Variants in MYZAP observed in about 807,000 individuals in gnomAD.
The protein encoded by MYZAP is GRINL1A complex locus upstream.
In MYZAP, 66 loss-of-function variants were observed where a neutral mutation model predicts 69.4. The ratio of observed to expected loss-of-function variants is 0.95; its 90% CI spans 0.78 to 1.17. The LOEUF (loss-of-function observed/expected upper bound fraction) is 1.17, where lower values mean the gene tolerates loss of function less well. Ranked by LOEUF, MYZAP falls within the 50% of genes most tolerant of loss-of-function variation. MYZAP has a pLI of 0.00. For synonymous variants in MYZAP, 256 were observed against 205.9 expected, an observed-to-expected ratio of 1.24 and a Z score of -2.09; for missense variants, 611 against 556.2, an observed-to-expected ratio of 1.10 and a Z score of -0.99.
rs138772571 is a variant in MYZAP at position 57,633,661 on chromosome 15, A to G, written c.853A>G (p.Met285Val). The part of the protein sequence containing the change: ...LKAIEEANKK[M>V]QAAEISLEEK... ...AGCGATTGAAGAAGCCAATAAAAAG[A>G]TGCAAGCAGCAGAGATCAGCCTAGA... The change falls in exon 8 of 13, where the codon ATG (methionine) becomes GTG (valine). Residue 285 changes from methionine (M) to valine (V), a missense_variant. By Grantham distance (21) the Met-to-Val change is conservative. Transcript: ENST00000267853. The G allele has an allele frequency of 6.2e-7, 1 of 1,613,682 alleles. No homozygotes were observed. Among genetic ancestry groups the G allele is most frequent in the Non-Finnish European group, 8.5e-7 (1 of 1,179,812 alleles).
intron 11 of MYZAP, among the ~76,000 whole-genome samples, chr15:57,669,463 T>C (rs2038766306): frequency 6.6e-6 from 1 of 152,196 alleles, no homozygotes; most frequent in South Asian, 2.1e-4. Context: ...ATTTCTGATA[T>C]TATTTGTACC....
chr15:57,609,029 T>A (rs1454167683), intron 2 of MYZAP, among the ~76,000 whole-genome samples: 1 of 152,186 alleles, frequency 6.6e-6, no homozygotes, highest in Admixed American at 6.5e-5. Flanking sequence ...AGGCTGCCCC[T>A]TTCACTTGGC....
intron 1 of MYZAP, among the ~76,000 whole-genome samples, chr15:57,600,277 C>T (rs1019374052): frequency 3.9e-5 from 6 of 152,214 alleles, no homozygotes; most frequent in Non-Finnish European, 5.9e-5. Flanking sequence ...ACTAGCTTTG[C>T]TCCTTAATGT....
chr15:57,625,867 T>C lies in MYZAP; in HGVS notation c.500T>C (p.Leu167Ser). The C allele has an allele frequency of 6.2e-7, 1 of 1,614,190 alleles. No individual in the cohort carries two copies. Among genetic ancestry groups the C allele is most frequent in the Non-Finnish European group, 8.5e-7 (1 of 1,180,032 alleles). ...LDRFNAMNSA[L>S]ASDSIGLQKT... Reference sequence around the variant, plus strand: ...CGTTTTAATGCCATGAACTCAGCCTTGGCATCAGATTCCATTGGCCTGCAG... The same window carrying C: ...CGTTTTAATGCCATGAACTCAGCCTCGGCATCAGATTCCATTGGCCTGCAG... The change falls in exon 5 of 13, where the codon TTG becomes TCG. Residue 167 changes from leucine (L) to serine (S), a missense_variant. Physicochemically the swap from Leu to Ser is moderately radical, Grantham distance 145. Transcript: ENST00000267853.
intron 12 of MYZAP, 22 bp from the exon 13 acceptor site, chr15:57,684,380 C>G (rs371535993): frequency 6.4e-7 from 1 of 1,558,834 alleles, no homozygotes. Context: ...ATTTTCCTGA[C>G]CTGCATTTTC....
intron 10 of MYZAP, 62 bp from the exon 11 acceptor site, chr15:57,661,388 T>C (rs1241908506): frequency 4.0e-6 from 5 of 1,261,002 alleles, no homozygotes; most frequent in Non-Finnish European, 5.6e-6. Context: ...TTCCAGTTGA[T>C]AAACCTGTAC....
chr15:57,599,583 A>G, intron 1 of MYZAP: 1 of 1,287,836 alleles, frequency 7.8e-7, no homozygotes, highest in South Asian at 1.2e-5. Flanking sequence ...CTGCTTTGGG[A>G]ACCCCTGGGA....
Position 57,684,709 on chromosome 15 carries a change from A to T in MYZAP, c.*211A>T. The T allele has an allele frequency of 2.2e-6, 1 of 454,674 alleles. No homozygotes were observed. Among genetic ancestry groups the T allele is most frequent in the Non-Finnish European group, 3.9e-6 (1 of 258,082 alleles). 28.2% of individuals were successfully genotyped at this position (454,674 alleles called of 1,614,324 possible). ...GGATATACAAGGTCACATTTCAGAC[A>T]CCCACTCGGCATACCCTGCCGTACT... On this transcript the variant is annotated 3_prime_UTR_variant, in exon 13 of 13. Transcript: ENST00000267853.
At position 57,639,528 on chromosome 15, in the gene MYZAP, A is replaced by C. The variant is rs759896761; in HGVS notation, c.1102A>C (p.Lys368Gln). The C allele has an allele frequency of 8.1e-6, 13 of 1,613,858 alleles. No homozygotes were observed. Among genetic ancestry groups the C allele is most frequent in the Non-Finnish European group, 1.1e-5 (13 of 1,179,944 alleles). The change falls in exon 10 of 13, where the codon AAG becomes CAG. Residue 368 changes from lysine to glutamine, a missense_variant. Lys to Gln is a moderately conservative substitution (Grantham distance 53, BLOSUM62 1). Coordinates refer to ENST00000267853, the MANE Select transcript of MYZAP (RefSeq NM_001018100.5). ...GGTGCATTGCCAGCAGAAGAAAGTC[A>C]AGCAGATGGTCGAGGAGGTAAGCAT... The part of the protein sequence containing the change: ...DMVHCQQKKV[K>Q]QMVEEIESLK...
intron 1 of MYZAP, chr15:57,599,656 T>C (rs2140321163): frequency 7.8e-7 from 1 of 1,289,172 alleles, no homozygotes; most frequent in Admixed American, 2.3e-5. Context: ...AGATTGTGTA[T>C]CCGAGTTTCA....
intron 4 of MYZAP, among the ~76,000 whole-genome samples, chr15:57,625,235 G>A (rs2036060009): frequency 6.6e-6 from 1 of 151,994 alleles, no homozygotes; most frequent in Admixed American, 6.6e-5. Context: ...CACCATGCCT[G>A]GCTAATTTTT....
At chr15:57,602,882 T>C (rs1413180256) in intron 1 of MYZAP, among the ~76,000 whole-genome samples, 1 of 152,152 alleles carries the variant, frequency 6.6e-6, no homozygotes, top group Non-Finnish European at 1.5e-5. Context: ...CTATACATGG[T>C]TAGCTATTAC....
chr15:57,603,375 T>G (rs1454606827), intron 1 of MYZAP, among the ~76,000 whole-genome samples: 2 of 152,192 alleles, frequency 1.3e-5, no homozygotes, highest in Non-Finnish European at 2.9e-5. Flanking sequence ...TTTAAGTGTA[T>G]AGTTCAGTGG....
At chr15:57,626,818 G>C (rs997932881) in intron 5 of MYZAP, among the ~76,000 whole-genome samples, 5 of 152,200 alleles carry the variant, frequency 3.3e-5, no homozygotes, top group Non-Finnish European at 7.3e-5. Context: ...CAACAGCAGG[G>C]CTCGGCCACT....
rs370661037 is a variant in MYZAP at position 57,633,723 on chromosome 15, G to A, written c.915G>A (p.Leu305=). The change falls in exon 8 of 13, where the codon CTG becomes CTA. Residue 305 remains leucine (L), a synonymous_variant. Transcript: ENST00000267853. ...AGAGGATCGGGGAGCTGGACAGGCT[G>A]ATTGAGCGCATGGAAAAGGTAGGAC... The part of the protein sequence containing the change: ...KDQRIGELDR[L]IERMEKERHQ... 1.2e-5 allele frequency: 19 copies of A among 1,609,172 alleles called. No individual in the cohort carries two copies. In the African/African-American group the frequency reaches 2.0e-4, roughly 17 times the overall value.
At chr15:57,648,681 G>GA (rs2037572696) in intron 10 of MYZAP, among the ~76,000 whole-genome samples, 1 of 151,374 alleles carries the variant, frequency 6.6e-6, no homozygotes, top group African/African-American at 2.4e-5. Flanking sequence ...CTTTTAATTG[G>GA]AAAAAAATTT....
At chr15:57,629,104 A>G (rs890315364) in intron 5 of MYZAP, among the ~76,000 whole-genome samples, 4 of 151,328 alleles carry the variant, frequency 2.6e-5, no homozygotes, top group South Asian at 4.2e-4. Context: ...AAAAAAAAAA[A>G]AAAGAAAAAG....
chr15:57,624,748 G>A (rs1397782262), intron 4 of MYZAP, among the ~76,000 whole-genome samples: 2 of 152,148 alleles, frequency 1.3e-5, no homozygotes, highest in African/African-American at 2.4e-5. Flanking sequence ...CCTACCTACT[G>A]CAGCCAGATT....
At chr15:57,660,525 G>A (rs1290884355) in intron 10 of MYZAP, among the ~76,000 whole-genome samples, 1 of 152,070 alleles carries the variant, frequency 6.6e-6, no homozygotes, top group Non-Finnish European at 1.5e-5. Flanking sequence ...ATGTTGCCCA[G>A]GCTGGTCTTG....
Sources: allele counts gnomAD v4.1 joint callset (sites outside exome capture counted in the v4.1 genomes callset), GRCh38; gene constraint gnomAD v4.1.1; transcripts MANE v1.5; gene names NCBI Gene and HGNC (gene_info 2026-07-23, HGNC 2026-07-21).